Variants in MAP2K5 observed in about 807,000 individuals in gnomAD.
MAP2K5 encodes the protein mitogen-activated protein kinase kinase 5, also known as dual specificity mitogen-activated protein kinase kinase 5.
A neutral mutation model predicts 83.1 loss-of-function variants in MAP2K5; 49 were observed. That is an observed-to-expected ratio of 0.59 (90% CI 0.47 to 0.75). The LOEUF (loss-of-function observed/expected upper bound fraction) is 0.75. Ranked by LOEUF, MAP2K5 falls within the 30% of genes least tolerant of loss-of-function variation. The pLI, the probability that MAP2K5 is intolerant of heterozygous loss-of-function variation, is 0.00. For missense variants in MAP2K5, 457 were observed against 557.5 expected (o/e 0.82, Z 1.82); for synonymous variants, 202 against 191.8 (o/e 1.05, Z -0.44).
rs1055442183 is a variant in MAP2K5 at position 67,774,284 on chromosome 15, A to T, written c.1242+1532A>T. 1.3e-5 allele frequency among the ~76,000 whole-genome samples: 2 copies of T among 152,178 alleles called. No individual in the cohort carries two copies. The highest frequency in any genetic ancestry group is 2.9e-5 in the Non-Finnish European group (2 of 68,036). ...TGTCCCACATTTTAAATTAATAAATATCAATAAATCAATAAAATACAATGA... is the reference window on the plus strand; with the variant it reads ...TGTCCCACATTTTAAATTAATAAATTTCAATAAATCAATAAAATACAATGA... On this transcript the variant is annotated intron_variant, in intron 21 of 21. Transcript: ENST00000178640. The surrounding 1 kb of genome is among the most constrained non-coding windows in gnomAD (Gnocchi z 4.9).
At chr15:67,553,138 T>A (rs2084546464) in intron 2 of MAP2K5, among the ~76,000 whole-genome samples, 1 of 152,132 alleles carries the variant, frequency 6.6e-6, no homozygotes, top group South Asian at 2.1e-4. Flanking sequence ...TTGTTAGTAA[T>A]CTTTATACTG....
chr15:67,723,170 A>G (rs1161464744), intron 16 of MAP2K5, among the ~76,000 whole-genome samples: 2 of 152,214 alleles, frequency 1.3e-5, no homozygotes, highest in African/African-American at 4.8e-5. Context: ...TTTTATTATC[A>G]ACAAAAGCCA....
rs1391096414 is a variant in MAP2K5, at chr15:67,783,156, G to T, written c.1242+10404G>T. 1.3e-5 allele frequency among the ~76,000 whole-genome samples: 2 copies of T among 152,182 alleles called. No individual in the cohort carries two copies. Among genetic ancestry groups the T allele is most frequent in the Non-Finnish European group, 2.9e-5 (2 of 68,036 alleles). On this transcript the variant is annotated intron_variant, in intron 21 of 21. Transcript: ENST00000178640. The surrounding 1 kb of genome is among the most constrained non-coding windows in gnomAD (Gnocchi z 5.1). The stretch of plus-strand genomic sequence containing the variant: ...ATTTTTATGTCTTAGCATCTGCTCT[G>T]TGCCCAGCATCCTGCCTGACACCGA...
intron 16 of MAP2K5, among the ~76,000 whole-genome samples, chr15:67,727,406 G>T (rs74426868): frequency 1.3e-5 from 2 of 152,046 alleles, no homozygotes; most frequent in Non-Finnish European, 2.9e-5. Context: ...CCCACTAGTG[G>T]GTAGAAAATG....
At chr15:67,548,692 C>G (rs894151190) in intron 1 of MAP2K5, among the ~76,000 whole-genome samples, 2 of 152,170 alleles carry the variant, frequency 1.3e-5, no homozygotes, top group African/African-American at 2.4e-5. Context: ...GTGCTTTATT[C>G]TGTACTCCCT....
rs1335301200 is a variant in MAP2K5 at position 67,764,179 on chromosome 15, C to T, written c.1135-5423C>T. ...CCTCAGAATTCACCAGTGCAGCCAA[C>T]ACCTTGAGATATTTGAGAGGTTGTC... On this transcript the variant is annotated intron_variant, in intron 19 of 21. Transcript: ENST00000178640. The surrounding 1 kb of genome is among the most constrained non-coding windows in gnomAD (Gnocchi z 4.9). Among the ~76,000 whole-genome samples the T allele has an allele frequency of 1.3e-5, 2 of 152,208 alleles. No individual in the cohort carries two copies. Among genetic ancestry groups the T allele is most frequent in the African/African-American group, 2.4e-5 (1 of 41,458 alleles).
chr15:67,547,555 A>G (rs376691058), intron 1 of MAP2K5, among the ~76,000 whole-genome samples: 1 of 148,304 alleles, frequency 6.7e-6, no homozygotes, highest in African/African-American at 2.5e-5. Context: ...TCCCAGGTTC[A>G]GGTGATTCTC....
In MAP2K5 at chr15:67,563,249, C is replaced by T. The variant is rs2084774912; in HGVS notation, c.185-34C>T. 2 of 1,599,370 alleles carry T rather than the reference C, an allele frequency of 1.3e-6. No homozygotes were observed. The highest frequency in any genetic ancestry group is 1.7e-4 in the Middle Eastern group (1 of 6,034). The stretch of plus-strand genomic sequence containing the variant: ...TCCCTTTGTGCATTAAACAAATGCA[C>T]ACCTTATCATTTGCATTATGTGCTT... On this transcript the variant is annotated intron_variant, in intron 2 of 21. Coordinates refer to ENST00000178640, the MANE Select transcript of MAP2K5 (RefSeq NM_145160.3). The surrounding 1 kb of genome is among the most constrained non-coding windows in gnomAD (Gnocchi z 4.5).
intron 13 of MAP2K5, among the ~76,000 whole-genome samples, chr15:67,684,461 T>A (rs536088030): frequency 1.3e-5 from 2 of 152,320 alleles, no homozygotes; most frequent in African/African-American, 4.8e-5. Context: ...TCAGCAGATA[T>A]ATTACTTGCC....
At position 67,724,986 on chromosome 15, in the gene MAP2K5, A is replaced by C. The variant is rs2089056666; in HGVS notation, c.1045-2930A>C. Among the ~76,000 whole-genome samples the C allele has an allele frequency of 6.6e-6, 1 of 152,224 alleles. No homozygotes were observed. Among genetic ancestry groups the C allele is most frequent in the Non-Finnish European group, 1.5e-5 (1 of 68,032 alleles). ...CTAACTCTAAAGAGGTCAGACCTGC[A>C]AGATGTCTTACAAGCAGTCCTCCCA... On this transcript the variant is annotated intron_variant, in intron 16 of 21. Transcript: ENST00000178640. This position sits in a 1 kb window ranked among gnomAD's most constrained non-coding sequence, Gnocchi z 4.4.
At position 67,690,405 on chromosome 15, in the gene MAP2K5, A is replaced by T. The variant is rs2088076140; in HGVS notation, c.848-2074A>T. On this transcript the variant is annotated intron_variant, in intron 13 of 21. Transcript: ENST00000178640. The surrounding 1 kb of genome is among the most constrained non-coding windows in gnomAD (Gnocchi z 4.3). ...AATACTTAACCTCCTCCTTAAGGAGACAAGTGATGTAGTGAAAGTGGTATA... is the reference window on the plus strand; with the variant it reads ...AATACTTAACCTCCTCCTTAAGGAGTCAAGTGATGTAGTGAAAGTGGTATA... 6.6e-6 allele frequency among the ~76,000 whole-genome samples: 1 copy of T among 152,292 alleles called. No individual in the cohort carries two copies. Among genetic ancestry groups the T allele is most frequent in the South Asian group, 2.1e-4 (1 of 4,822 alleles).
rs899816964 is a variant in MAP2K5 at position 67,772,763 on chromosome 15, G to A, written c.1242+11G>A. On this transcript the variant is annotated intron_variant, in intron 21 of 21. Transcript: ENST00000178640. ...CCTGAAGAATTGATGGTAAGTGAAT[G>A]TTTTTAGTTACATTAGAATTCTCAG... The A allele has an allele frequency of 1.9e-6, 3 of 1,595,528 alleles. No homozygotes were observed. The highest frequency in any genetic ancestry group is 2.7e-5 in the African/African-American group (2 of 74,234).
chr15:67,805,735 T>G (rs2141352916), intron 21 of MAP2K5, among the ~76,000 whole-genome samples: 1 of 152,290 alleles, frequency 6.6e-6, no homozygotes, highest in Non-Finnish European at 1.5e-5. Context: ...CTGCACAGTT[T>G]TGGGTAGGAG....
intron 17 of MAP2K5, among the ~76,000 whole-genome samples, chr15:67,743,645 C>T (rs912052269): frequency 1.3e-5 from 2 of 152,144 alleles, no homozygotes; most frequent in African/African-American, 4.8e-5. Flanking sequence ...TTGTTTTTCT[C>T]ATTGAAGGCT....
intron 17 of MAP2K5, among the ~76,000 whole-genome samples, chr15:67,743,936 G>T (rs950974265): frequency 1.3e-5 from 2 of 152,152 alleles, no homozygotes; most frequent in Non-Finnish European, 2.9e-5. Flanking sequence ...AATCCCAGGG[G>T]TCTTTCTTAC....
At chr15:67,661,155 T>C (rs1246477014) in intron 12 of MAP2K5, among the ~76,000 whole-genome samples, 3 of 152,126 alleles carry the variant, frequency 2.0e-5, no homozygotes, top group Non-Finnish European at 4.4e-5. Flanking sequence ...AGAGAGTTTT[T>C]TTTTTCCCCC....
At chr15:67,583,390 T>C (rs2085223631) in intron 4 of MAP2K5, among the ~76,000 whole-genome samples, 1 of 152,148 alleles carries the variant, frequency 6.6e-6, no homozygotes, top group Non-Finnish European at 1.5e-5. Flanking sequence ...TAAAACCCAC[T>C]AGGCTGCAAT....
At chr15:67,737,844 CTT>C (rs35988425) in intron 17 of MAP2K5, among the ~76,000 whole-genome samples, 2 of 69,296 alleles carry the variant, frequency 2.9e-5, no homozygotes, top group African/African-American at 1.2e-4. Context: ...ATAGAATAGT[CTT>C]TTTTTTTTTT....
At chr15:67,804,106 G>T (rs1462854393) in intron 21 of MAP2K5, among the ~76,000 whole-genome samples, 9 of 152,150 alleles carry the variant, frequency 5.9e-5, no homozygotes, top group Non-Finnish European at 1.3e-4. Flanking sequence ...CCAGGCTCTG[G>T]GTGTAATGGC....
Sources: gnomAD v4.1 joint callset for allele counts (sites outside exome capture counted in the v4.1 genomes callset) on GRCh38, gnomAD v4.1.1 for gene constraint, Gnocchi (gnomAD v3.1) non-coding constraint, MANE v1.5 for transcripts, NCBI Gene and HGNC (gene_info 2026-07-23, HGNC 2026-07-21) for gene names.